Variants in SHOC1 observed in about 807,000 individuals in gnomAD.
The protein encoded by SHOC1 is protein shortage in chiasmata 1 ortholog.
Under a neutral mutation model 179.2 loss-of-function variants are expected in SHOC1, and 136 were observed. The observed-to-expected ratio is 0.76, with a 90% confidence interval of 0.66 to 0.87. SHOC1 has a LOEUF of 0.87. SHOC1 is among the 40% of genes least tolerant of loss of function. The probability of loss-of-function intolerance (pLI) is 0.00; values close to 1 mark genes in which losing one functional copy is unlikely to be tolerated. For synonymous variants in SHOC1, 489 were observed against 586.6 expected, an observed-to-expected ratio of 0.83 and a Z score of 2.41; for missense variants, 1,538 against 1,700.8, an observed-to-expected ratio of 0.90 and a Z score of 1.68.
chr9:111,736,863 G>A (rs1833832534), intron 12 of SHOC1, among the ~76,000 whole-genome samples: 1 of 151,846 alleles, frequency 6.6e-6, no homozygotes, highest in Non-Finnish European at 1.5e-5. Flanking sequence ...TTTAACAATT[G>A]AACAAGCAAA....
At chr9:111,749,451 A>C (rs1041178359) in intron 8 of SHOC1, among the ~76,000 whole-genome samples, 4 of 152,094 alleles carry the variant, frequency 2.6e-5, no homozygotes, top group Non-Finnish European at 5.9e-5. Flanking sequence ...TTATTTCCAC[A>C]GAATTAATTC....
At chr9:111,716,006 T>C (rs1317690953) in intron 16 of SHOC1, among the ~76,000 whole-genome samples, 1 of 152,130 alleles carries the variant, frequency 6.6e-6, no homozygotes, top group Non-Finnish European at 1.5e-5. Flanking sequence ...GGATTTTTTT[T>C]TTCCTCTGCC....
intron 10 of SHOC1, among the ~76,000 whole-genome samples, chr9:111,742,331 A>G (rs1222733259): frequency 1.3e-5 from 2 of 152,194 alleles, no homozygotes; most frequent in Non-Finnish European, 2.9e-5. Context: ...AGTCCATTCC[A>G]TATAGAAATT....
At chr9:111,791,191 A>G (rs564021165) in intron 2 of SHOC1, among the ~76,000 whole-genome samples, 183 bp downstream of exon 2, 2 of 152,316 alleles carry the variant, frequency 1.3e-5, no homozygotes, top group South Asian at 4.1e-4. Flanking sequence ...CTTGGGTCTT[A>G]TCCCCAAGAT....
intron 18 of SHOC1, among the ~76,000 whole-genome samples, 171 bp downstream of exon 18, chr9:111,712,929 A>T (rs1376537905): frequency 6.6e-6 from 1 of 152,222 alleles, no homozygotes; most frequent in Non-Finnish European, 1.5e-5. Flanking sequence ...CTGCAAACTT[A>T]TAGTCCAGAT....
In SHOC1 at chr9:111,741,491, G is replaced by T. The variant is rs1282552400; in HGVS notation, c.1159C>A (p.Pro387Thr). The T allele has an allele frequency of 2.5e-6, 4 of 1,607,210 alleles. No homozygotes were observed. Among genetic ancestry groups the T allele is most frequent in the Non-Finnish European group, 2.6e-6 (3 of 1,175,080 alleles). Residue 387 changes from proline (P) to threonine (T), a missense_variant, in exon 11 of 28, where the codon CCA becomes ACA. Physicochemically the swap from Pro to Thr is conservative, Grantham distance 38. Coordinates refer to ENST00000682961, the MANE Select transcript of SHOC1 (RefSeq NM_001378211.1). The part of the protein sequence containing the change: ...QLERCRSPLN[P>T]FLLTVPRIQE... The stretch of plus-strand genomic sequence containing the variant: ...TAATCTTTACCTGTAAGCAAAAATG[G>T]GTTCAAAGGGCTTCTACATCTTTCT...
chr9:111,794,271 AC>A (rs1397232863), intron 1 of SHOC1, among the ~76,000 whole-genome samples: 3 of 110,336 alleles, frequency 2.7e-5, no homozygotes, highest in Admixed American at 9.9e-5. Context: ...TCGCATAAAA[AC>A]CCACTTAAAA....
chr9:111,740,214 A>T (rs1435211994), intron 11 of SHOC1, among the ~76,000 whole-genome samples: 1 of 152,020 alleles, frequency 6.6e-6, no homozygotes, highest in Admixed American at 6.6e-5. Context: ...TCCCAGTTTT[A>T]TGTAGGGGTC....
In SHOC1 at chr9:111,692,147, C is replaced by T; in HGVS notation, c.3830G>A (p.Arg1277Lys). Residue 1277 changes from arginine to lysine, a missense_variant, in exon 27 of 28, where the codon AGG becomes AAG. Physicochemically the swap from Arg to Lys is conservative, Grantham distance 26. Transcript: ENST00000682961. ...TAGAAAGGAGTTATAAGCCGGTCTCCTTGATTCTATATTAATTAGAAAAGG... is the reference window on the plus strand; with the variant it reads ...TAGAAAGGAGTTATAAGCCGGTCTCTTTGATTCTATATTAATTAGAAAAGG... Reference protein sequence around the residue: ...NTPFLINIESRRPAYNSFLNH... With the variant: ...NTPFLINIESKRPAYNSFLNH... The T allele has an allele frequency of 6.2e-7, 1 of 1,613,722 alleles. No individual in the cohort carries two copies. Among genetic ancestry groups the T allele is most frequent in the Non-Finnish European group, 8.5e-7 (1 of 1,179,824 alleles).
chr9:111,691,408 T>TAA, intron 27 of SHOC1, 143 bp downstream of exon 27: 1 of 703,580 alleles, frequency 1.4e-6, no homozygotes, highest in Non-Finnish European at 2.3e-6. Context: ...TTTTAGAGTT[T>TAA]AGATTTTCTC....
intron 18 of SHOC1, among the ~76,000 whole-genome samples, chr9:111,712,411 A>T (rs1482730639): frequency 1.3e-5 from 2 of 152,186 alleles, no homozygotes; most frequent in African/African-American, 4.8e-5. Context: ...TTTGAAAATG[A>T]TAATGGAAGG....
chr9:111,702,055 T>C lies in SHOC1; in HGVS notation c.3089+50A>G, dbSNP rs146125671. The C allele has an allele frequency of 4.5e-4, 601 of 1,341,768 alleles. 1 individual carries two copies. In the African/African-American group the frequency reaches 7.7e-3, roughly 17 times the overall value. 83.1% of individuals were successfully genotyped at this position (1,341,768 alleles called of 1,614,324 possible). On this transcript the variant is annotated intron_variant, in intron 23 of 27. Coordinates refer to ENST00000682961, the MANE Select transcript of SHOC1 (RefSeq NM_001378211.1). ...CCATTTCCATTCAAATAAGAGGACT[T>C]AGGATTAAGAAATACGAACATAACT...
chr9:111,728,008 TA>T lies in SHOC1; in HGVS notation c.1458del (p.Ile487LeufsTer51), dbSNP rs764550799. On this transcript the variant is annotated frameshift_variant, in exon 13 of 28. Coordinates refer to ENST00000682961, the MANE Select transcript of SHOC1 (RefSeq NM_001378211.1). LOFTEE classifies it high-confidence loss of function. ...TGAGCATTTGTAGATTTTTCATCAA[TA>T]AGTGCAATAGGTGAAGAATGACTTT... ...EHKSHSSPIA[L>X]IDEKSTNAHL... 1 of 1,606,394 alleles carries T rather than the reference TA, an allele frequency of 6.2e-7. No individual in the cohort carries two copies. Among genetic ancestry groups the T allele is most frequent in the South Asian group, 1.1e-5 (1 of 88,994 alleles).
At chr9:111,717,752 C>A (rs1412167516) in intron 16 of SHOC1, among the ~76,000 whole-genome samples, 1 of 152,078 alleles carries the variant, frequency 6.6e-6, no homozygotes, top group Non-Finnish European at 1.5e-5. Context: ...CCAAGTAATT[C>A]ATATACTAAT....
In SHOC1 at chr9:111,780,910, T is replaced by C. The variant is rs1252641118; in HGVS notation, c.257+20A>G. On this transcript the variant is annotated intron_variant, in intron 4 of 27. Coordinates refer to ENST00000682961, the MANE Select transcript of SHOC1 (RefSeq NM_001378211.1). ...CTTCTACTAGATGTAAAAGAGAAAT[T>C]TGAGATTAAGGATACATACTTCTCA... 3 of 1,573,292 alleles carry C rather than the reference T, an allele frequency of 1.9e-6. No individual in the cohort carries two copies. The highest frequency in any genetic ancestry group is 1.4e-5 in the African/African-American group (1 of 73,778).
intron 18 of SHOC1, among the ~76,000 whole-genome samples, chr9:111,709,233 C>T (rs1273929068): frequency 6.6e-6 from 1 of 152,000 alleles, no homozygotes; most frequent in African/African-American, 2.4e-5. Context: ...TTCCAGCTAC[C>T]CGGGAGGGTA....
chr9:111,741,581 G>T lies in SHOC1; in HGVS notation c.1080-11C>A. On this transcript the variant is annotated splice_polypyrimidine_tract_variant and intron_variant, in intron 10 of 27. Transcript: ENST00000682961. The stretch of plus-strand genomic sequence containing the variant: ...GCAGTAAGCAAATTACTGAAAAAAA[G>T]AGTTAAAGTTTAATACATTAATAAT... 6.7e-7 allele frequency: 1 copy of T among 1,487,240 alleles called. No individual in the cohort carries two copies. The highest frequency in any genetic ancestry group is 1.2e-5 in the South Asian group (1 of 83,408). The allele number at this position is 1,487,240 out of a possible 1,614,324, so 92.1% of individuals were successfully genotyped here. A position where few individuals can be genotyped will look rare whatever the true frequency, so the allele number is the denominator to read the frequency against.
rs1043253528 is a variant in SHOC1, at chr9:111,759,100, G to T, written c.443-252C>A. The T allele has an allele frequency of 2.6e-6, 4 of 1,518,890 alleles. No individual in the cohort carries two copies. The Admixed American group carries it at 5.9e-5, about 23-fold the overall frequency. The allele number at this position is 1,518,890 out of a possible 1,614,324, so 94.1% of individuals were successfully genotyped here. Reference sequence around the variant, plus strand: ...CAAATATCCCAAAAGAGCTGTAACGGCTAATACTTTATCAATAAAGATTAA... The same window carrying T: ...CAAATATCCCAAAAGAGCTGTAACGTCTAATACTTTATCAATAAAGATTAA... On this transcript the variant is annotated intron_variant, in intron 5 of 27. Transcript: ENST00000682961.
intron 9 of SHOC1, among the ~76,000 whole-genome samples, chr9:111,747,593 T>C (rs1834349937): frequency 6.6e-6 from 1 of 152,148 alleles, no homozygotes; most frequent in Non-Finnish European, 1.5e-5. Flanking sequence ...GGTTTTTTTG[T>C]TTGTTTTGAG....
Sources: gnomAD v4.1 joint callset for allele counts (sites outside exome capture counted in the v4.1 genomes callset) on GRCh38, gnomAD v4.1.1 for gene constraint, MANE v1.5 for transcripts, NCBI Gene and HGNC (gene_info 2026-07-23, HGNC 2026-07-21) for gene names.